TTC29: variants seen among roughly 807,000 people sequenced by gnomAD.
The protein encoded by TTC29 is tetratricopeptide repeat domain 29.
A neutral mutation model predicts 58.1 loss-of-function variants in TTC29; 49 were observed. The ratio of observed to expected loss-of-function variants is 0.84; its 90% confidence interval spans 0.67 to 1.07. TTC29 has a LOEUF of 1.07. Among genes scored for constraint, TTC29 ranks in the 50% least tolerant of loss-of-function variants. The pLI is 0.00. For synonymous variants in TTC29, 209 were observed against 196.8 expected (o/e 1.06, Z -0.52); for missense variants, 582 against 555.6 (o/e 1.05, Z -0.48).
At chr4:146,840,656 C>T (rs578092094) in intron 8 of TTC29, among the ~76,000 whole-genome samples, 53 of 152,102 alleles carry the variant, frequency 3.5e-4, no homozygotes, top group African/African-American at 1.1e-3. Flanking sequence ...TTGCAGCCTA[C>T]GTTGTATTTG....
At position 146,903,614 on chromosome 4, in the gene TTC29, C is replaced by G; in HGVS notation, c.516G>C (p.Leu172=). 6.2e-7 allele frequency: 1 copy of G among 1,612,796 alleles called. No homozygotes were observed. Among genetic ancestry groups the G allele is most frequent in the Non-Finnish European group, 8.5e-7 (1 of 1,179,348 alleles). ...FYERCFKIAQ[L]IKIDCGKKEA... Reference sequence around the variant, plus strand: ...CTTTCTTCCCACAGTCAATTTTGATCAGCTGAGCAATCTTAAAACATCGTT... The same window carrying G: ...CTTTCTTCCCACAGTCAATTTTGATGAGCTGAGCAATCTTAAAACATCGTT... The change falls in exon 6 of 13, where the codon CTG becomes CTC. Residue 172 remains leucine, a synonymous_variant. Coordinates refer to ENST00000325106, the MANE Select transcript of TTC29 (RefSeq NM_031956.4).
intron 10 of TTC29, among the ~76,000 whole-genome samples, chr4:146,811,400 G>C (rs1235556788): frequency 1.3e-5 from 2 of 152,044 alleles, no homozygotes; most frequent in African/African-American, 4.8e-5. Flanking sequence ...TCTAAGAGGA[G>C]GATATTATCT....
intron 6 of TTC29, among the ~76,000 whole-genome samples, chr4:146,891,187 C>T (rs947095818): frequency 2.6e-5 from 4 of 152,120 alleles, no homozygotes; most frequent in Non-Finnish European, 4.4e-5. Flanking sequence ...GAGGTTTGTC[C>T]TGATCAGTTC....
At position 146,874,849 on chromosome 4, in the gene TTC29, G is replaced by T; in HGVS notation, c.666C>A (p.Gly222=). ...TQGRIWKDET[G]RSLNLLACES... is the part of the protein sequence containing the mutation. ...CACAGGCCAACAAGTTGAGAGAGCG[G>T]CCTGTCTCATCCTTCCATATCCGCC... The change falls in exon 7 of 13, where the codon GGC becomes GGA. Residue 222 remains glycine, a synonymous_variant. Coordinates refer to ENST00000325106, the MANE Select transcript of TTC29 (RefSeq NM_031956.4). The T allele has an allele frequency of 1.2e-6, 2 of 1,613,314 alleles. No individual in the cohort carries two copies. The highest frequency in any genetic ancestry group is 4.5e-5 in the East Asian group (2 of 44,748).
At chr4:146,930,476 C>T (rs1259277707) in intron 4 of TTC29, among the ~76,000 whole-genome samples, 2 of 152,000 alleles carry the variant, frequency 1.3e-5, no homozygotes, top group Non-Finnish European at 2.9e-5. Flanking sequence ...CTTGTGAATC[C>T]ATAACTTGGT....
chr4:146,908,552 A>G (rs186777270), intron 5 of TTC29, among the ~76,000 whole-genome samples: 153 of 152,282 alleles, frequency 1.0e-3, no homozygotes, highest in African/African-American at 3.4e-3. Flanking sequence ...TCTTTTTACT[A>G]TTTACAAAGA....
chr4:146,821,985 GTTTT>G (rs34100285), intron 9 of TTC29, among the ~76,000 whole-genome samples: 5,282 of 109,568 alleles, frequency 0.048, 89 homozygotes, highest in Middle Eastern at 0.069. Flanking sequence ...CATGTCTAGT[GTTTT>G]TTTTTTTTTT....
rs181583774 is a variant in TTC29, at chr4:146,756,695, C to T, written c.1330+46762G>A. Among the ~76,000 whole-genome samples, 425 of 151,832 alleles carry T rather than the reference C, an allele frequency of 2.8e-3. 2 individuals are homozygous for T. The highest frequency in any genetic ancestry group is 5.1e-3 in the Non-Finnish European group (345 of 67,926). On this transcript the variant is annotated intron_variant, in intron 11 of 12. Coordinates refer to ENST00000325106, the MANE Select transcript of TTC29 (RefSeq NM_031956.4). Reference sequence around the variant, plus strand: ...TAGGTTTGGTCATTTAACATAATCCCAGACTTCTTGGAGTCTTTGTTCATG... The same window carrying T: ...TAGGTTTGGTCATTTAACATAATCCTAGACTTCTTGGAGTCTTTGTTCATG...
At chr4:146,938,193 C>T (rs1324001607) in intron 3 of TTC29, among the ~76,000 whole-genome samples, 1 of 152,034 alleles carries the variant, frequency 6.6e-6, no homozygotes, top group Non-Finnish European at 1.5e-5. Context: ...TTAAGAAGCC[C>T]TTATTGAAAA....
intron 11 of TTC29, among the ~76,000 whole-genome samples, chr4:146,714,906 T>C (rs1742816349): frequency 6.6e-6 from 1 of 152,186 alleles, no homozygotes; most frequent in Admixed American, 6.5e-5. Context: ...TCTCGCTTGC[T>C]GCAGCCTTGA....
rs1053115745 is a variant in TTC29 at position 146,910,040 on chromosome 4, G to A, written c.177-791C>T. ...AATTGTGAGATAATAGCTGTGTAGTGGCTATTATTCCATTAAAAGAACAAT... is the reference window on the plus strand; with the variant it reads ...AATTGTGAGATAATAGCTGTGTAGTAGCTATTATTCCATTAAAAGAACAAT... On this transcript the variant is annotated intron_variant, in intron 4 of 12. Transcript: ENST00000325106. Among the ~76,000 whole-genome samples the A allele has an allele frequency of 8.6e-5, 13 of 151,930 alleles. No homozygotes were observed. The South Asian group carries it at 1.5e-3, about 17-fold the overall frequency.
intron 8 of TTC29, among the ~76,000 whole-genome samples, chr4:146,852,106 T>C (rs766301762): frequency 5.3e-5 from 8 of 152,142 alleles, no homozygotes; most frequent in Admixed American, 1.3e-4. Context: ...CAGCCCGCCA[T>C]TTGCATCTTC....
chr4:146,800,377 AG>A (rs1410169255), intron 11 of TTC29, among the ~76,000 whole-genome samples: 1 of 152,208 alleles, frequency 6.6e-6, no homozygotes, highest in Non-Finnish European at 1.5e-5. Flanking sequence ...GAAGTCTCAG[AG>A]GTGAAGATAA....
intron 7 of TTC29, among the ~76,000 whole-genome samples, chr4:146,870,934 A>T (rs966085730): frequency 6.6e-6 from 1 of 151,992 alleles, no homozygotes; most frequent in Admixed American, 6.6e-5. Flanking sequence ...ATTAACACCA[A>T]TCTTTTACAA....
chr4:146,900,292 T>A (rs138012268), intron 6 of TTC29, among the ~76,000 whole-genome samples: 1 of 152,178 alleles, frequency 6.6e-6, no homozygotes. Context: ...CTGACAAAAG[T>A]AGTTCCAAAA....
At chr4:146,744,368 T>TA (rs1745384136) in intron 11 of TTC29, among the ~76,000 whole-genome samples, 1 of 149,780 alleles carries the variant, frequency 6.7e-6, no homozygotes, top group Non-Finnish European at 1.5e-5. Context: ...CCCCATCTCT[T>TA]AAAAGAGAGA....
intron 7 of TTC29, among the ~76,000 whole-genome samples, chr4:146,868,958 A>T (rs1434477553): frequency 2.6e-5 from 4 of 151,900 alleles, no homozygotes. Flanking sequence ...TAAAGAGCCT[A>T]CCATCTCTCT....
At chr4:146,822,289 G>A (rs1751901414) in intron 9 of TTC29, among the ~76,000 whole-genome samples, 1 of 151,962 alleles carries the variant, frequency 6.6e-6, no homozygotes, top group Non-Finnish European at 1.5e-5. Flanking sequence ...CTGTGTCCTT[G>A]TGTTCTTAGT....
intron 10 of TTC29, among the ~76,000 whole-genome samples, chr4:146,805,148 C>A (rs59330239): frequency 0.062 from 9,374 of 152,170 alleles, 389 homozygotes; most frequent in Admixed American, 0.13. Context: ...AGGGGCCTGA[C>A]TGTTAGAAGG....
Sources: gnomAD v4.1 joint callset for allele counts (sites outside exome capture counted in the v4.1 genomes callset) on GRCh38, gnomAD v4.1.1 for gene constraint, MANE v1.5 for transcripts, NCBI Gene and HGNC (gene_info 2026-07-23, HGNC 2026-07-21) for gene names.